Variants in SORCS1 observed in about 807,000 individuals in gnomAD.
SORCS1 encodes the protein VPS10 domain-containing receptor SorCS1.
A neutral mutation model predicts 146.1 loss-of-function variants in SORCS1; 60 were observed. The observed-to-expected ratio is 0.41, with a 90% CI of 0.33 to 0.51. SORCS1 has a LOEUF of 0.51. Among genes scored for constraint, SORCS1 ranks in the 20% least tolerant of loss-of-function variants. The pLI, the probability that SORCS1 is intolerant of heterozygous loss-of-function variation, is 0.21. For missense variants in SORCS1, 1,352 were observed against 1,487.6 expected (o/e 0.91, Z 1.50); for synonymous variants, 637 against 584.0 (o/e 1.09, Z -1.31).
chr10:106,902,342 A>G (rs1951741647), intron 2 of SORCS1, among the ~76,000 whole-genome samples: 2 of 152,158 alleles, frequency 1.3e-5, no homozygotes, highest in African/African-American at 4.8e-5. Context: ...ACATACAACA[A>G]AAATTTGTCT....
At chr10:106,989,763 T>C (rs1283135677) in intron 1 of SORCS1, among the ~76,000 whole-genome samples, 4 of 143,818 alleles carry the variant, frequency 2.8e-5, no homozygotes, top group African/African-American at 2.7e-5. Flanking sequence ...CTCGGTTCAC[T>C]GCAAGCTCCA....
chr10:106,954,498 C>A (rs980630927), intron 2 of SORCS1, among the ~76,000 whole-genome samples: 22 of 152,176 alleles, frequency 1.4e-4, no homozygotes, highest in African/African-American at 5.3e-4. Flanking sequence ...GGGACTATAT[C>A]CAGAACTGGA....
At chr10:106,957,156 TTTTTTTTTG>T (rs201101906) in intron 1 of SORCS1, among the ~76,000 whole-genome samples, 7,587 of 40,734 alleles carry the variant, frequency 0.19, 517 homozygotes, top group East Asian at 0.37. Flanking sequence ...TAGCATGTGG[TTTTTTTTTG>T]TTTTTTTTGT....
rs1951558125 is a variant in SORCS1, at chr10:106,898,170, T to C, written c.626+58343A>G. Reference sequence around the variant, plus strand: ...TGAAATCCCCTTATTCTCCTGGTTCTATATGGAAAGGTTTTGAAACTGTCT... The same window carrying C: ...TGAAATCCCCTTATTCTCCTGGTTCCATATGGAAAGGTTTTGAAACTGTCT... On this transcript the variant is annotated intron_variant, in intron 2 of 25. Coordinates refer to ENST00000263054, the MANE Select transcript of SORCS1 (RefSeq NM_052918.5). 3.3e-5 allele frequency among the ~76,000 whole-genome samples: 5 copies of C among 152,262 alleles called. 2 individuals carry two copies. The South Asian group carries it at 1.0e-3, about 31-fold the overall frequency.
intron 3 of SORCS1, among the ~76,000 whole-genome samples, chr10:106,801,050 T>A (rs1358618678): frequency 6.6e-6 from 1 of 152,222 alleles, no homozygotes. Context: ...CGTCTTTAGT[T>A]CACTATCTCT....
intron 1 of SORCS1, among the ~76,000 whole-genome samples, chr10:107,152,690 T>C (rs923768918): frequency 2.0e-5 from 3 of 152,216 alleles, no homozygotes; most frequent in Non-Finnish European, 2.9e-5. Context: ...CCTTCTGCCA[T>C]GATTGTAAGT....
chr10:107,079,945 A>G (rs1176603412), intron 1 of SORCS1, among the ~76,000 whole-genome samples: 1 of 152,240 alleles, frequency 6.6e-6, no homozygotes, highest in Non-Finnish European at 1.5e-5. Flanking sequence ...ATGTATGATA[A>G]AAAACAAGAG....
At chr10:106,662,559 C>T (rs1311538624) in intron 17 of SORCS1, among the ~76,000 whole-genome samples, 1 of 152,134 alleles carries the variant, frequency 6.6e-6, no homozygotes, top group Non-Finnish European at 1.5e-5. Context: ...TCATCCCAGC[C>T]CTGAGGCTAA....
chr10:107,144,059 C>A (rs566136749), intron 1 of SORCS1, among the ~76,000 whole-genome samples: 5 of 152,210 alleles, frequency 3.3e-5, no homozygotes, highest in African/African-American at 1.2e-4. Context: ...CCCTTTTGTG[C>A]TCTGAGGGGC....
At chr10:107,124,284 G>T (rs750646768) in intron 1 of SORCS1, among the ~76,000 whole-genome samples, 1 of 152,028 alleles carries the variant, frequency 6.6e-6, no homozygotes, top group African/African-American at 2.4e-5. Flanking sequence ...TTCATGACTC[G>T]TTCCAAAATT....
chr10:106,702,407 C>A (rs1349150443), intron 8 of SORCS1, among the ~76,000 whole-genome samples: 1 of 152,224 alleles, frequency 6.6e-6, no homozygotes, highest in Non-Finnish European at 1.5e-5. Context: ...TGGTGAACCT[C>A]TGAGTTTCTC....
At chr10:106,655,225 G>A (rs766078227) in intron 17 of SORCS1, among the ~76,000 whole-genome samples, 2 of 152,084 alleles carry the variant, frequency 1.3e-5, no homozygotes, top group Non-Finnish European at 2.9e-5. Flanking sequence ...GAAAATAAGG[G>A]CAGGTGAGAG....
intron 1 of SORCS1, among the ~76,000 whole-genome samples, chr10:107,135,391 G>C (rs569700967): frequency 1.3e-5 from 2 of 152,286 alleles, no homozygotes; most frequent in Admixed American, 6.5e-5. Context: ...TTCTCATTAA[G>C]CATTAAAGAG....
chr10:106,825,318 C>G (rs1017981302), intron 3 of SORCS1, among the ~76,000 whole-genome samples: 14 of 141,108 alleles, frequency 9.9e-5, no homozygotes, highest in Non-Finnish European at 1.9e-4. Flanking sequence ...GTCACCCAGG[C>G]TGGAGTGCAG....
chr10:107,078,696 A>G (rs1168774112), intron 1 of SORCS1, among the ~76,000 whole-genome samples: 10 of 152,178 alleles, frequency 6.6e-5, no homozygotes, highest in Non-Finnish European at 2.9e-5. Flanking sequence ...TTTCAGGACC[A>G]TCAGTGAACT....
chr10:106,719,010 G>T (rs913672079), intron 6 of SORCS1, among the ~76,000 whole-genome samples: 4 of 152,126 alleles, frequency 2.6e-5, no homozygotes, highest in African/African-American at 9.7e-5. Context: ...CAAACCTTTA[G>T]CTAGACACAA....
At chr10:106,974,570 C>G (rs12261621) in intron 1 of SORCS1, among the ~76,000 whole-genome samples, 1 of 152,138 alleles carries the variant, frequency 6.6e-6, no homozygotes, top group Admixed American at 6.5e-5. Flanking sequence ...GACCTTCACA[C>G]GCTCTAGAGG....
At chr10:106,931,450 C>T (rs574856057) in intron 2 of SORCS1, among the ~76,000 whole-genome samples, 3 of 152,134 alleles carry the variant, frequency 2.0e-5, no homozygotes, top group Admixed American at 6.5e-5. Context: ...AGCATGGAAG[C>T]GGGTGGGGAA....
At chr10:106,884,759 A>G (rs149852625) in intron 2 of SORCS1, among the ~76,000 whole-genome samples, 38 of 152,360 alleles carry the variant, frequency 2.5e-4, no homozygotes, top group African/African-American at 8.9e-4. Flanking sequence ...AGAAGTTTTT[A>G]AAAGAAGACT....
Sources: gnomAD v4.1 joint callset for allele counts (sites outside exome capture counted in the v4.1 genomes callset) on GRCh38, gnomAD v4.1.1 for gene constraint, MANE v1.5 for transcripts, NCBI Gene and HGNC (gene_info 2026-07-23, HGNC 2026-07-21) for gene names.